The following FKBP5 variants were observed in gnomAD, a reference collection of about 807,000 sequenced individuals.
The protein encoded by FKBP5 is peptidyl-prolyl cis-trans isomerase FKBP5.
FKBP5 carries 23 observed loss-of-function variants against 50.5 expected under a neutral mutation model. That is an observed-to-expected ratio of 0.46 (90% confidence interval 0.33 to 0.65). FKBP5 has a LOEUF of 0.65. Among genes scored for constraint, FKBP5 ranks in the 30% least tolerant of loss-of-function variants. FKBP5 has a pLI of 0.02. For synonymous variants in FKBP5, 176 were observed against 190.6 expected (o/e 0.92, Z 0.63); for missense variants, 411 against 553.1 (o/e 0.74, Z 2.58).
chr6:35,664,185 C>T (rs190840371), intron 1 of FKBP5, among the ~76,000 whole-genome samples: 25 of 152,288 alleles, frequency 1.6e-4, no homozygotes, highest in African/African-American at 6.0e-4. Context: ...GATGGTGATT[C>T]TTACAATTTG....
At chr6:35,685,834 T>C (rs1765807663) in intron 1 of FKBP5, among the ~76,000 whole-genome samples, 1 of 151,862 alleles carries the variant, frequency 6.6e-6, no homozygotes, top group Admixed American at 6.6e-5. Context: ...ATACAAAAAT[T>C]AGCCGGACAT....
At chr6:35,711,341 G>A (rs550856978) in intron 2 of FKBP5, among the ~76,000 whole-genome samples, 4 of 151,762 alleles carry the variant, frequency 2.6e-5, no homozygotes, top group Admixed American at 6.6e-5. Context: ...AAAGAAGGCC[G>A]GGAGCTGTGG....
chr6:35,709,489 G>A lies in FKBP5; in HGVS notation c.-20+10839C>T, dbSNP rs564223566. The stretch of plus-strand genomic sequence containing the variant: ...GCAACATTTTCCAGAAGTATATACT[G>A]TTTGAATTTTTCACCATGTGCAAAT... On this transcript the variant is annotated intron_variant, in intron 2 of 11. Transcript: ENST00000536438. 6.6e-5 allele frequency among the ~76,000 whole-genome samples: 10 copies of A among 152,306 alleles called. No homozygotes were observed. The South Asian group carries it at 2.1e-3, about 32-fold the overall frequency.
At chr6:35,648,627 A>G (rs1255858715) in intron 1 of FKBP5, among the ~76,000 whole-genome samples, 1 of 152,132 alleles carries the variant, frequency 6.6e-6, no homozygotes. Context: ...TATTCAATAT[A>G]TCATTTAGTG....
At chr6:35,600,567 C>T (rs1763118041) in intron 5 of FKBP5, among the ~76,000 whole-genome samples, 1 of 151,222 alleles carries the variant, frequency 6.6e-6, no homozygotes, top group African/African-American at 2.4e-5. Context: ...ATTTGCTGAG[C>T]AAAGTAAATT....
intron 8 of FKBP5, chr6:35,581,923 C>T: frequency 1.0e-6 from 1 of 985,526 alleles, no homozygotes; most frequent in Non-Finnish European, 1.2e-6. Context: ...AATACTCCAA[C>T]CCTCACCCAA....
rs530108267 is a variant in FKBP5 at position 35,719,341 on chromosome 6, C to T, written c.-20+987G>A. ...GGTAGAGACTGACTGGAAGGGGGCA[C>T]GAAGGAATTTGGAGGTGGTGAAAAT... On this transcript the variant is annotated intron_variant, in intron 2 of 11. Transcript: ENST00000536438. Among the ~76,000 whole-genome samples, 660 of 152,020 alleles carry T rather than the reference C, an allele frequency of 4.3e-3. 2 individuals are homozygous for T. The highest frequency in any genetic ancestry group is 7.9e-3 in the Non-Finnish European group (538 of 67,994).
chr6:35,592,162 A>G (rs1271700159), intron 6 of FKBP5, among the ~76,000 whole-genome samples: 1 of 152,250 alleles, frequency 6.6e-6, no homozygotes, highest in East Asian at 1.9e-4. Flanking sequence ...GTTCTTTAAT[A>G]TATGAAATGG....
rs1251296071 is a variant in FKBP5, at chr6:35,574,832, A to G, written c.*1003T>C. 2 of 152,562 alleles carry G rather than the reference A, an allele frequency of 1.3e-5. No homozygotes were observed. Among genetic ancestry groups the G allele is most frequent in the Non-Finnish European group, 2.9e-5 (2 of 67,996 alleles). 9.5% of individuals were successfully genotyped at this position (152,562 alleles called of 1,614,324 possible). A position where few individuals can be genotyped will look rare whatever the true frequency, so the allele number is the denominator to read the frequency against. On this transcript the variant is annotated 3_prime_UTR_variant, in exon 11 of 11. Transcript: ENST00000357266. ...TGAGCCAATAATCTTAAAAAGACAA[A>G]AAAAGCTGCATGGATCCTAAATGAC...
At chr6:35,657,028 G>A (rs1443019762) in intron 1 of FKBP5, among the ~76,000 whole-genome samples, 6 of 150,400 alleles carry the variant, frequency 4.0e-5, no homozygotes, top group Admixed American at 6.7e-5. Context: ...TGTCTAACAC[G>A]GTGAAACCCT....
chr6:35,710,207 A>C (rs969485704), intron 2 of FKBP5, among the ~76,000 whole-genome samples: 17 of 152,304 alleles, frequency 1.1e-4, no homozygotes, highest in African/African-American at 3.4e-4. Context: ...GGCTGGGCGC[A>C]GTGGTTCATG....
intron 2 of FKBP5, among the ~76,000 whole-genome samples, chr6:35,641,199 T>C (rs1039650975): frequency 1.4e-4 from 21 of 152,116 alleles, no homozygotes; most frequent in Non-Finnish European, 3.1e-4. Context: ...CCCAGGCTGG[T>C]CTTGAACTCC....
In FKBP5 at chr6:35,617,167, T is replaced by C. The variant is rs144308686; in HGVS notation, c.508+1929A>G. Among the ~76,000 whole-genome samples the C allele has an allele frequency of 2.4e-3, 358 of 152,192 alleles. 6 individuals carry two copies. Among genetic ancestry groups the C allele is most frequent in the South Asian group, 0.018 (87 of 4,822 alleles). On this transcript the variant is annotated intron_variant, in intron 5 of 10. Coordinates refer to ENST00000357266, the MANE Select transcript of FKBP5 (RefSeq NM_004117.4). Reference sequence around the variant, plus strand: ...TTCAAAAACTTATCCCAAATGGCAATTTGGGATAAATAATATTTGTAACTG... The same window carrying C: ...TTCAAAAACTTATCCCAAATGGCAACTTGGGATAAATAATATTTGTAACTG...
At chr6:35,692,807 A>C (rs1302877611), upstream of FKBP5, among the ~76,000 whole-genome samples, 1 of 151,014 alleles carries the variant, frequency 6.6e-6, no homozygotes, top group African/African-American at 2.4e-5. Flanking sequence ...AAAAAAAAAA[A>C]AGAAGAGAAT....
chr6:35,674,977 T>C (rs746761550), intron 1 of FKBP5, among the ~76,000 whole-genome samples: 28 of 152,214 alleles, frequency 1.8e-4, no homozygotes, highest in Non-Finnish European at 3.5e-4. Flanking sequence ...TAACCCTACT[T>C]AGAACCTAGC....
chr6:35,639,069 T>G (rs980174576), intron 2 of FKBP5, among the ~76,000 whole-genome samples: 93 of 152,344 alleles, frequency 6.1e-4, no homozygotes, highest in African/African-American at 2.2e-3. Flanking sequence ...CTAGGTTCTA[T>G]TCATTTTTAA....
chr6:35,704,520 A>C (rs965949996), intron 2 of FKBP5, among the ~76,000 whole-genome samples: 4 of 152,226 alleles, frequency 2.6e-5, no homozygotes, highest in Admixed American at 6.5e-5. Flanking sequence ...ACAATCTCCC[A>C]GTTGCAGAAG....
chr6:35,586,733 C>A, intron 8 of FKBP5: 1 of 1,241,758 alleles, frequency 8.1e-7, no homozygotes, highest in Non-Finnish European at 1.0e-6. Context: ...CAACTATGTA[C>A]CAAGCAAGAT....
intron 1 of FKBP5, among the ~76,000 whole-genome samples, chr6:35,684,249 G>A (rs182460337): frequency 3.8e-4 from 57 of 148,432 alleles, no homozygotes; most frequent in East Asian, 2.4e-3. Context: ...CTTAATCACC[G>A]CTCACTGCAG....
Sources: allele counts gnomAD v4.1 joint callset (sites outside exome capture counted in the v4.1 genomes callset), GRCh38; gene constraint gnomAD v4.1.1; transcripts MANE v1.5; gene names NCBI Gene and HGNC (gene_info 2026-07-23, HGNC 2026-07-21).